MAPK8IP1: variants seen among roughly 807,000 people sequenced by gnomAD.
MAPK8IP1 encodes the protein mitogen-activated protein kinase 8 interacting protein 1.
Under a neutral mutation model 72.6 loss-of-function variants are expected in MAPK8IP1, and 17 were observed. The observed-to-expected ratio is 0.23, with a 90% CI of 0.16 to 0.35. MAPK8IP1 has a LOEUF of 0.35. MAPK8IP1 is among the 10% of genes least tolerant of loss of function. MAPK8IP1 has a pLI of 1.00. For synonymous variants in MAPK8IP1, 401 were observed against 443.4 expected (o/e 0.90, Z 1.20); for missense variants, 789 against 1,009.7 (o/e 0.78, Z 2.96).
chr11:45,902,970 A>T lies in MAPK8IP1; in HGVS notation c.1203A>T (p.Gly401=). 3.1e-6 allele frequency: 5 copies of T among 1,612,016 alleles called. No individual in the cohort carries two copies. Among genetic ancestry groups the T allele is most frequent in the Non-Finnish European group, 4.2e-6 (5 of 1,179,882 alleles). ...LELVSLRPCF[G]DYSDESDSAT... is the part of the protein sequence containing the mutation. ...TGGTGAGCCTGCGGCCGTGCTTCGG[A>T]GACTACAGTGACGAGAGTGACTCTG... is the stretch of plus-strand genomic sequence containing the variant. The change falls in exon 5 of 12, where the codon GGA becomes GGT. Residue 401 remains glycine, a synonymous_variant. Coordinates refer to ENST00000241014, the MANE Select transcript of MAPK8IP1 (RefSeq NM_005456.4). The surrounding 1 kb of genome is among the most constrained non-coding windows in gnomAD (Gnocchi z 9.3).
chr11:45,900,272 C>T lies in MAPK8IP1; in HGVS notation c.342C>T (p.Asp114=), dbSNP rs2086640794. The change falls in exon 3 of 12, where the codon GAC becomes GAT. Residue 114 remains aspartate (D), a synonymous_variant. Coordinates refer to ENST00000241014, the MANE Select transcript of MAPK8IP1 (RefSeq NM_005456.4). The surrounding 1 kb of genome is among the most constrained non-coding windows in gnomAD (Gnocchi z 6.5). ...PGAEDDEEDD[D]EERAARRPGA... ...CCGAGGACGACGAGGAGGACGACGA[C>T]GAGGAGCGCGCGGCCCGGCGGCCGG... The T allele has an allele frequency of 1.5e-6, 2 of 1,330,358 alleles. No homozygotes were observed. The highest frequency in any genetic ancestry group is 1.9e-6 in the Non-Finnish European group (2 of 1,046,938). The allele number at this position is 1,330,358 out of a possible 1,614,324, so 82.4% of individuals were successfully genotyped here.
intron 1 of MAPK8IP1, among the ~76,000 whole-genome samples, chr11:45,897,703 C>A (rs1397325139): frequency 6.6e-6 from 1 of 152,226 alleles, no homozygotes; most frequent in African/African-American, 2.4e-5. Flanking sequence ...TCCCCTACTC[C>A]AGGCTGCTCT....
chr11:45,895,301 G>A (rs148831112), intron 1 of MAPK8IP1, among the ~76,000 whole-genome samples: 30 of 152,270 alleles, frequency 2.0e-4, no homozygotes, highest in East Asian at 7.7e-4. Flanking sequence ...GTGAGGAAGC[G>A]GAGCCATGTG....
chr11:45,902,001 C>T lies in MAPK8IP1; in HGVS notation c.544C>T (p.Leu182=). 1 of 1,614,126 alleles carries T rather than the reference C, an allele frequency of 6.2e-7. No individual in the cohort carries two copies. Among genetic ancestry groups the T allele is most frequent in the South Asian group, 1.1e-5 (1 of 91,076 alleles). The change falls in exon 4 of 12, where the codon CTG becomes TTG. Residue 182 remains leucine, a synonymous_variant. Coordinates refer to ENST00000241014, the MANE Select transcript of MAPK8IP1 (RefSeq NM_005456.4). This position sits in a 1 kb window ranked among gnomAD's most constrained non-coding sequence, Gnocchi z 9.3. ...ACAGGACACACTGAATAATAATTCT[C>T]TGGGCAAAAAGCACAGTTGGCAGGA... The part of the protein sequence containing the change: ...RSQDTLNNNS[L]GKKHSWQDRV...
At chr11:45,885,971 C>T in intron 1 of MAPK8IP1, 50 bp downstream of exon 1, 6 of 1,248,112 alleles carry the variant, frequency 4.8e-6, no homozygotes, top group Middle Eastern at 2.0e-4. Context: ...GGGACTGATC[C>T]GCATTGGCTG....
At position 45,903,451 on chromosome 11, in the gene MAPK8IP1, TG is replaced by T; in HGVS notation, c.1493+14del. On this transcript the variant is annotated intron_variant, in intron 6 of 11. Transcript: ENST00000241014. This position sits in a 1 kb window ranked among gnomAD's most constrained non-coding sequence, Gnocchi z 6.4. ...CCGGGCCATATTCAGGTGAGAGCCA[TG>T]GGCTGGCTGGGCCTAGCCAGGCAGC... The T allele has an allele frequency of 3.1e-6, 5 of 1,607,088 alleles. No individual in the cohort carries two copies. The highest frequency in any genetic ancestry group is 4.2e-6 in the Non-Finnish European group (5 of 1,178,002).
intron 3 of MAPK8IP1, among the ~76,000 whole-genome samples, chr11:45,901,596 A>G: frequency 6.6e-6 from 1 of 152,076 alleles, no homozygotes; most frequent in Non-Finnish European, 1.5e-5. Flanking sequence ...AGCATTTTCC[A>G]AGTAACCCTC....
At chr11:45,901,602 C>T (rs1180181571) in intron 3 of MAPK8IP1, among the ~76,000 whole-genome samples, 2 of 152,158 alleles carry the variant, frequency 1.3e-5, no homozygotes, top group South Asian at 4.1e-4. Flanking sequence ...TTCCAAGTAA[C>T]CCTCAGTACC....
intron 1 of MAPK8IP1, among the ~76,000 whole-genome samples, chr11:45,894,099 G>A (rs1168592492): frequency 6.6e-6 from 1 of 152,154 alleles, no homozygotes; most frequent in Non-Finnish European, 1.5e-5. Flanking sequence ...AGGGATTGGT[G>A]GCTTCATCCT....
At position 45,906,331 on chromosome 11, in the gene MAPK8IP1, C is replaced by T; in HGVS notation, c.*610C>T. 2.2e-6 allele frequency: 1 copy of T among 451,264 alleles called. No individual in the cohort carries two copies. Among genetic ancestry groups the T allele is most frequent in the Non-Finnish European group, 3.8e-6 (1 of 264,622 alleles). 28.0% of individuals were successfully genotyped at this position (451,264 alleles called of 1,614,324 possible). A position where few individuals can be genotyped will look rare whatever the true frequency, so the allele number is the denominator to read the frequency against. On this transcript the variant is annotated 3_prime_UTR_variant, in exon 12 of 12. Transcript: ENST00000241014. ...ATGCTGGCCTGTGGCAGGCCTAGGA[C>T]CTCAGGCGGGGAGGAGGAGCTGCCG... is the stretch of plus-strand genomic sequence containing the variant.
At position 45,900,291 on chromosome 11, in the gene MAPK8IP1, C is replaced by G; in HGVS notation, c.361C>G (p.Arg121Gly). ...EDDDEERAARRPGAGPPKAES... is the reference protein window; with the variant it reads ...EDDDEERAARGPGAGPPKAES... Reference sequence around the variant, plus strand: ...CGACGACGAGGAGCGCGCGGCCCGGCGGCCGGGAGCGGGGCCGCCCAAGGC... The same window carrying G: ...CGACGACGAGGAGCGCGCGGCCCGGGGGCCGGGAGCGGGGCCGCCCAAGGC... The change falls in exon 3 of 12, where the codon CGG becomes GGG. Residue 121 changes from arginine to glycine, a missense_variant. Arg to Gly is a moderately radical substitution (Grantham distance 125, BLOSUM62 -2). Coordinates refer to ENST00000241014, the MANE Select transcript of MAPK8IP1 (RefSeq NM_005456.4). The surrounding 1 kb of genome is among the most constrained non-coding windows in gnomAD (Gnocchi z 6.5). The G allele has an allele frequency of 7.5e-7, 1 of 1,330,076 alleles. No homozygotes were observed. The highest frequency in any genetic ancestry group is 9.6e-7 in the Non-Finnish European group (1 of 1,046,848). The allele number at this position is 1,330,076 out of a possible 1,614,324, so 82.4% of individuals were successfully genotyped here.
Position 45,902,278 on chromosome 11 carries a change from T to A in MAPK8IP1, c.605-94T>A. Reference sequence around the variant, plus strand: ...GGGCCTGTTGCCCAGGGAGGCTTTGTCTTGGTTTCTGTGTCACCAAGCTGA... The same window carrying A: ...GGGCCTGTTGCCCAGGGAGGCTTTGACTTGGTTTCTGTGTCACCAAGCTGA... On this transcript the variant is annotated intron_variant, in intron 4 of 11. Transcript: ENST00000241014. The surrounding 1 kb of genome is among the most constrained non-coding windows in gnomAD (Gnocchi z 9.3). The A allele has an allele frequency of 8.4e-7, 1 of 1,191,054 alleles. No homozygotes were observed. The highest frequency in any genetic ancestry group is 1.3e-5 in the South Asian group (1 of 78,108). 73.8% of individuals were successfully genotyped at this position (1,191,054 alleles called of 1,614,324 possible).
Position 45,905,051 on chromosome 11 carries a change from G to A in MAPK8IP1, c.1964+10G>A. On this transcript the variant is annotated intron_variant, in intron 10 of 11. Transcript: ENST00000241014. ...ATCCAAAGAACAACAAGTAAGTGGG[G>A]GTGGGATGGCAGTGGAGGAGGCACG... 2.5e-6 allele frequency: 4 copies of A among 1,614,100 alleles called. No homozygotes were observed. Among genetic ancestry groups the A allele is most frequent in the Non-Finnish European group, 3.4e-6 (4 of 1,180,000 alleles).
chr11:45,898,252 G>A, intron 2 of MAPK8IP1, 62 bp downstream of exon 2: 1 of 1,125,276 alleles, frequency 8.9e-7, no homozygotes, highest in Non-Finnish European at 1.3e-6. Context: ...ACAGGGGTAA[G>A]GGTATCCCCA....
Position 45,904,419 on chromosome 11 carries a change from C to T in MAPK8IP1, c.1667-36C>T. On this transcript the variant is annotated intron_variant, in intron 7 of 11. Coordinates refer to ENST00000241014, the MANE Select transcript of MAPK8IP1 (RefSeq NM_005456.4). The surrounding 1 kb of genome is among the most constrained non-coding windows in gnomAD (Gnocchi z 6.4). Reference sequence around the variant, plus strand: ...CTTGGCTGCTCAGCTCCCTCCTGCTCTTTCTGCCCCTCCTCAATTCACGCT... The same window carrying T: ...CTTGGCTGCTCAGCTCCCTCCTGCTTTTTCTGCCCCTCCTCAATTCACGCT... 6.4e-7 allele frequency: 1 copy of T among 1,562,624 alleles called. No individual in the cohort carries two copies. Among genetic ancestry groups the T allele is most frequent in the Non-Finnish European group, 8.8e-7 (1 of 1,134,694 alleles).
At chr11:45,898,313 T>G in intron 2 of MAPK8IP1, 123 bp downstream of exon 2, 1 of 678,238 alleles carries the variant, frequency 1.5e-6, no homozygotes. Context: ...TGAAATGAAA[T>G]GATGTGCAAG....
chr11:45,904,358 C>T lies in MAPK8IP1; in HGVS notation c.1667-97C>T, dbSNP rs2086685186. ...CAGGGATTGTGGCAGCCTCTGTGGG[C>T]TCTGCCATTCCCCGTGCCTCACCCA... On this transcript the variant is annotated intron_variant, in intron 7 of 11. Coordinates refer to ENST00000241014, the MANE Select transcript of MAPK8IP1 (RefSeq NM_005456.4). The surrounding 1 kb of genome is among the most constrained non-coding windows in gnomAD (Gnocchi z 6.4). 7 of 1,195,678 alleles carry T rather than the reference C, an allele frequency of 5.9e-6. No homozygotes were observed. The Admixed American group carries it at 1.3e-4, about 23-fold the overall frequency. The allele number at this position is 1,195,678 out of a possible 1,614,324, so 74.1% of individuals were successfully genotyped here. A position where few individuals can be genotyped will look rare whatever the true frequency, so the allele number is the denominator to read the frequency against.
At position 45,885,724 on chromosome 11, in the gene MAPK8IP1, CG is replaced by C; in HGVS notation, c.-95del. The C allele has an allele frequency of 3.3e-6, 2 of 604,726 alleles. No homozygotes were observed. The highest frequency in any genetic ancestry group is 5.0e-6 in the Non-Finnish European group (2 of 400,932). 37.5% of individuals were successfully genotyped at this position (604,726 alleles called of 1,614,324 possible). The stretch of plus-strand genomic sequence containing the variant: ...GTGCGCCCGCCTAGCCCGAACTCCG[CG>C]GCGGCGGCTGCCCTCTCGCCGCGCC... On this transcript the variant is annotated 5_prime_UTR_variant, in exon 1 of 12. Transcript: ENST00000241014.
In MAPK8IP1 at chr11:45,902,840, A is replaced by G. The variant is rs1255491810; in HGVS notation, c.1073A>G (p.Glu358Gly). ...GGAGGGTGGCGGGGGAGCCTGGGGG[A>G]GCCGCCGCCACCTCCACGGGCCTCT... Reference protein sequence around the residue: ...PGGGWRGSLGEPPPPPRASLS... With the variant: ...PGGGWRGSLGGPPPPPRASLS... Residue 358 changes from glutamate (E) to glycine (G), a missense_variant, in exon 5 of 12, where the codon GAG becomes GGG. Around this residue, in one of 4 missense-constraint regions of MAPK8IP1, gnomAD observed 377 missense variants for 411.7 expected, o/e 0.92. Coordinates refer to ENST00000241014, the MANE Select transcript of MAPK8IP1 (RefSeq NM_005456.4). The surrounding 1 kb of genome is among the most constrained non-coding windows in gnomAD (Gnocchi z 9.3). 8.2e-6 allele frequency: 13 copies of G among 1,582,370 alleles called. No homozygotes were observed. Among genetic ancestry groups the G allele is most frequent in the Non-Finnish European group, 1.0e-5 (12 of 1,165,882 alleles).
Sources: gnomAD v4.1 joint callset for allele counts (sites outside exome capture counted in the v4.1 genomes callset) on GRCh38, gnomAD v4.1.1 for gene constraint, gnomAD v4.1.1 regional missense constraint, Gnocchi (gnomAD v3.1) non-coding constraint, MANE v1.5 for transcripts, NCBI Gene and HGNC (gene_info 2026-07-23, HGNC 2026-07-21) for gene names.